ZNF385D: variants seen among roughly 807,000 people sequenced by gnomAD.
ZNF385D encodes zinc finger protein 659.
A neutral mutation model predicts 35.8 loss-of-function variants in ZNF385D; 15 were observed. That is an observed-to-expected ratio of 0.42 (90% CI 0.28 to 0.64). ZNF385D has a LOEUF of 0.64. Ranked by LOEUF, ZNF385D falls within the 30% of genes least tolerant of loss-of-function variation. ZNF385D has a pLI of 0.23. For missense variants in ZNF385D, 474 were observed against 494.6 expected (o/e 0.96, Z 0.39); for synonymous variants, 212 against 186.8 (o/e 1.13, Z -1.10).
rs1393901981 is a variant in ZNF385D, at chr3:21,564,482, G to A, written c.276+92C>T. On this transcript the variant is annotated intron_variant, in intron 3 of 7. Transcript: ENST00000281523. Reference sequence around the variant, plus strand: ...TGAATTTTGACATGCTCAGTTACTGGAGAAAATGTCTTAAGAAATCTTTTC... The same window carrying A: ...TGAATTTTGACATGCTCAGTTACTGAAGAAAATGTCTTAAGAAATCTTTTC... 3 of 716,800 alleles carry A rather than the reference G, an allele frequency of 4.2e-6. No homozygotes were observed. In the Admixed American group the frequency reaches 1.0e-4, roughly 24 times the overall value. The allele number at this position is 716,800 out of a possible 1,614,324, so 44.4% of individuals were successfully genotyped here.
chr3:22,180,713 A>G (rs1367470825), intron 2 of ZNF385D, among the ~76,000 whole-genome samples: 1 of 152,154 alleles, frequency 6.6e-6, no homozygotes, highest in East Asian at 1.9e-4. Flanking sequence ...GATGCAGAAA[A>G]GGCCTTTGAC....
chr3:21,725,557 C>T (rs1179364220), intron 1 of ZNF385D, among the ~76,000 whole-genome samples: 2 of 152,152 alleles, frequency 1.3e-5, no homozygotes, highest in East Asian at 3.9e-4. Context: ...ATAAACACTC[C>T]TACACAAATA....
chr3:21,729,786 C>G (rs537959550), intron 1 of ZNF385D, among the ~76,000 whole-genome samples: 1 of 152,294 alleles, frequency 6.6e-6, no homozygotes, highest in South Asian at 2.1e-4. Flanking sequence ...GAAACTAGGC[C>G]TACAGTTCTA....
In ZNF385D at chr3:22,318,954, G is replaced by T. The variant is rs562404944; in HGVS notation, c.106+53496C>A. On this transcript the variant is annotated intron_variant, in intron 2 of 5. Coordinates refer to the ZNF385D transcript ENST00000494108. ...CTAGAATGCATTTTTTGAGAAAGTA[G>T]CATACTTTGCTTTTTAAAGCTGTGA... 6.6e-5 allele frequency among the ~76,000 whole-genome samples: 10 copies of T among 152,206 alleles called. No homozygotes were observed. In the South Asian group the frequency reaches 1.7e-3, roughly 25 times the overall value.
At chr3:22,083,760 A>T (rs1700885870) in intron 3 of ZNF385D, among the ~76,000 whole-genome samples, 1 of 152,186 alleles carries the variant, frequency 6.6e-6, no homozygotes, top group Admixed American at 6.5e-5. Flanking sequence ...CAAGAAGAGC[A>T]TCCCTAAGAC....
chr3:22,127,316 G>GTTTTT (rs1559389409), intron 3 of ZNF385D, among the ~76,000 whole-genome samples: 2 of 76,050 alleles, frequency 2.6e-5, no homozygotes, highest in African/African-American at 1.1e-4. Flanking sequence ...TTCATTTCCT[G>GTTTTT]CTTTTTTTTT....
intron 2 of ZNF385D, among the ~76,000 whole-genome samples, chr3:22,213,140 T>C (rs191193529): frequency 6.6e-6 from 1 of 152,068 alleles, no homozygotes. Context: ...TATTAGAAGT[T>C]TGTCATGTGA....
At chr3:22,352,452 C>T (rs1695959708) in intron 2 of ZNF385D, among the ~76,000 whole-genome samples, 1 of 152,164 alleles carries the variant, frequency 6.6e-6, no homozygotes, top group African/African-American at 2.4e-5. Context: ...TTGCATTTTC[C>T]AAGGTGAAAA....
intron 3 of ZNF385D, among the ~76,000 whole-genome samples, chr3:21,901,183 T>C (rs996677652): frequency 6.6e-6 from 1 of 152,212 alleles, no homozygotes; most frequent in Admixed American, 6.5e-5. Context: ...TAAAAGGCTA[T>C]GTTTAAGGTC....
At chr3:22,283,604 T>C (rs576665843) in intron 2 of ZNF385D, among the ~76,000 whole-genome samples, 1 of 152,280 alleles carries the variant, frequency 6.6e-6, no homozygotes, top group South Asian at 2.1e-4. Flanking sequence ...TGACATGTAA[T>C]AGCTGTGTGC....
At chr3:21,441,795 A>C (rs943549310) in intron 4 of ZNF385D, 1 of 946,150 alleles carries the variant, frequency 1.1e-6, no homozygotes, top group African/African-American at 1.8e-5. Context: ...CTGTTTCCCA[A>C]AGGCTGATTC....
chr3:22,145,045 C>A (rs1048762031), intron 3 of ZNF385D, among the ~76,000 whole-genome samples: 8 of 143,018 alleles, frequency 5.6e-5, no homozygotes, highest in African/African-American at 2.3e-4. Flanking sequence ...TGTGTAGTCA[C>A]AATTAGTTAT....
intron 4 of ZNF385D, among the ~76,000 whole-genome samples, chr3:21,445,464 T>C (rs925809785): frequency 6.6e-6 from 1 of 152,212 alleles, no homozygotes; most frequent in Non-Finnish European, 1.5e-5. Context: ...TTGCCCTCTT[T>C]CTTTTCTTTA....
At chr3:21,491,623 G>A (rs1181229479) in intron 4 of ZNF385D, among the ~76,000 whole-genome samples, 1 of 152,100 alleles carries the variant, frequency 6.6e-6, no homozygotes, top group Non-Finnish European at 1.5e-5. Context: ...ACAAACTATG[G>A]CCAAAGTAGG....
chr3:21,471,295 T>TCTCACA (rs1296080326), intron 4 of ZNF385D, among the ~76,000 whole-genome samples: 4 of 86,278 alleles, frequency 4.6e-5, no homozygotes, highest in Admixed American at 3.7e-4. Context: ...TCTCTCTCTC[T>TCTCACA]CACACACACA....
intron 3 of ZNF385D, among the ~76,000 whole-genome samples, chr3:22,009,602 AAC>A (rs1288438503): frequency 3.4e-5 from 5 of 148,076 alleles, no homozygotes; most frequent in African/African-American, 1.0e-4. Context: ...TAGCCTGGGC[AAC>A]AGAGTGAGAC....
intron 2 of ZNF385D, among the ~76,000 whole-genome samples, chr3:22,358,201 T>C (rs1176978413): frequency 2.0e-5 from 3 of 151,794 alleles, no homozygotes; most frequent in African/African-American, 7.2e-5. Context: ...AACTGAAAAA[T>C]TGTCTCAGAA....
At chr3:22,107,354 T>A (rs1025092320) in intron 3 of ZNF385D, among the ~76,000 whole-genome samples, 1 of 152,058 alleles carries the variant, frequency 6.6e-6, no homozygotes, top group Non-Finnish European at 1.5e-5. Context: ...GCTATTTTCC[T>A]CTTGTCAGAA....
chr3:22,122,507 A>G (rs898029039), intron 3 of ZNF385D, among the ~76,000 whole-genome samples: 2 of 152,200 alleles, frequency 1.3e-5, no homozygotes, highest in Non-Finnish European at 2.9e-5. Context: ...AGCACTAAAT[A>G]TATGTCAGAA....
Sources: gnomAD v4.1 joint callset for allele counts (sites outside exome capture counted in the v4.1 genomes callset) on GRCh38, gnomAD v4.1.1 for gene constraint, MANE v1.5 for transcripts, NCBI Gene and HGNC (gene_info 2026-07-23, HGNC 2026-07-21) for gene names.